Variants in ZNF316 observed in about 807,000 individuals in gnomAD.
The protein encoded by ZNF316 is zinc finger protein 316.
In ZNF316, 23 loss-of-function variants were observed where a neutral mutation model predicts 75.6. That is an observed-to-expected ratio of 0.30 (90% CI 0.22 to 0.43). The LOEUF is 0.43. ZNF316 is among the 20% of genes least tolerant of loss of function. The pLI, the probability that ZNF316 is intolerant of heterozygous loss-of-function variation, is 1.00. For synonymous variants in ZNF316, 827 were observed against 666.2 expected, an observed-to-expected ratio of 1.24 and a Z score of -3.72; for missense variants, 1,266 against 1,409.4, an observed-to-expected ratio of 0.90 and a Z score of 1.63.
chr7:6,644,422 G>A, intron 7 of ZNF316, 58 bp from the exon 8 acceptor site: 2 of 972,632 alleles, frequency 2.1e-6, no homozygotes, highest in Non-Finnish European at 2.7e-6. Context: ...AGCACGGGCT[G>A]CAGGGCAGGG....
In ZNF316 at chr7:6,637,328, C is replaced by A. The variant is rs1323199425; in HGVS notation, c.-550C>A. The A allele has an allele frequency of 6.7e-6, 1 of 150,208 alleles. No homozygotes were observed. Among genetic ancestry groups the A allele is most frequent in the East Asian group, 2.0e-4 (1 of 5,110 alleles). The allele number at this position is 150,208 out of a possible 1,614,324, so 9.3% of individuals were successfully genotyped here. ...GGGCCGGCCGGCGGTACTTCCGGTG[C>A]CCACGCGCCGCCGTCGCGCAGCTCC... On this transcript the variant is annotated 5_prime_UTR_variant, in exon 1 of 9. Transcript: ENST00000382252. The surrounding 1 kb of genome is among the most constrained non-coding windows in gnomAD (Gnocchi z 6.2).
chr7:6,653,360 C>T lies in ZNF316; in HGVS notation c.1764C>T (p.Gly588=), dbSNP rs1779550661. 4.9e-6 allele frequency: 6 copies of T among 1,226,092 alleles called. No individual in the cohort carries two copies. The highest frequency in any genetic ancestry group is 1.6e-5 in the African/African-American group (1 of 64,146). The allele number at this position is 1,226,092 out of a possible 1,614,324, so 76.0% of individuals were successfully genotyped here. A position where few individuals can be genotyped will look rare whatever the true frequency, so the allele number is the denominator to read the frequency against. ...FLELGNGLGE[G]EGPSSHPLGF... is the part of the protein sequence containing the mutation. ...AGCTGGGCAACGGCCTGGGGGAGGG[C>T]GAAGGCCCCTCCTCCCACCCGCTGG... The change falls in exon 9 of 9, where the codon GGC becomes GGT. Residue 588 remains glycine (G), a synonymous_variant. Coordinates refer to ENST00000382252, the MANE Select transcript of ZNF316 (RefSeq NM_001278559.2).
Position 6,656,521 on chromosome 7 carries a change from A to C in ZNF316, c.*1910A>C, listed in dbSNP as rs1779630527. The C allele has an allele frequency of 6.6e-6, 1 of 152,236 alleles. No individual in the cohort carries two copies. 9.4% of individuals were successfully genotyped at this position (152,236 alleles called of 1,614,324 possible). A position where few individuals can be genotyped will look rare whatever the true frequency, so the allele number is the denominator to read the frequency against. On this transcript the variant is annotated 3_prime_UTR_variant, in exon 9 of 9. Transcript: ENST00000382252. ...TCAGGTCCAACTTGTTTCTGCAAAC[A>C]TTTTTTAAAAGATTTTCTCTTTTAA...
chr7:6,654,202 C>T lies in ZNF316; in HGVS notation c.2606C>T (p.Ala869Val). Residue 869 changes from alanine to valine, a missense_variant, in exon 9 of 9, where the codon GCG (alanine) becomes GTG (valine). Transcript: ENST00000382252. The part of the protein sequence containing the change: ...FRCADCGRGF[A>V]QRSNLAKHRR... The stretch of plus-strand genomic sequence containing the variant: ...TGCGCCGACTGCGGCCGCGGCTTCG[C>T]GCAGCGCTCCAACCTGGCCAAGCAC... 1 of 1,223,852 alleles carries T rather than the reference C, an allele frequency of 8.2e-7. No homozygotes were observed. The allele number at this position is 1,223,852 out of a possible 1,614,324, so 75.8% of individuals were successfully genotyped here. A position where few individuals can be genotyped will look rare whatever the true frequency, so the allele number is the denominator to read the frequency against.
rs1779334621 is a variant in ZNF316 at position 6,642,836 on chromosome 7, G to A, written c.355+72G>A. The A allele has an allele frequency of 3.2e-6, 4 of 1,231,424 alleles. No homozygotes were observed. Among genetic ancestry groups the A allele is most frequent in the Non-Finnish European group, 4.1e-6 (4 of 987,468 alleles). The allele number at this position is 1,231,424 out of a possible 1,614,324, so 76.3% of individuals were successfully genotyped here. ...TGGGCCAGGCCAGGGACCTGGTCAA[G>A]CCAGGAGGGCTCTTGGGCCGACAGG... is the stretch of plus-strand genomic sequence containing the variant. On this transcript the variant is annotated intron_variant, in intron 5 of 8. Transcript: ENST00000382252. This position sits in a 1 kb window ranked among gnomAD's most constrained non-coding sequence, Gnocchi z 8.1.
At chr7:6,652,049 GA>G (rs1463219522) in intron 8 of ZNF316, among the ~76,000 whole-genome samples, 1 of 152,166 alleles carries the variant, frequency 6.6e-6, no homozygotes, top group African/African-American at 2.4e-5. Flanking sequence ...GCTTTCCTGG[GA>G]GGGACAGTTT....
In ZNF316 at chr7:6,653,281, C is replaced by T. The variant is rs1241938440; in HGVS notation, c.1685C>T (p.Ala562Val). The T allele has an allele frequency of 1.6e-6, 2 of 1,227,422 alleles. No homozygotes were observed. The highest frequency in any genetic ancestry group is 3.1e-5 in the African/African-American group (2 of 64,048). The allele number at this position is 1,227,422 out of a possible 1,614,324, so 76.0% of individuals were successfully genotyped here. A position where few individuals can be genotyped will look rare whatever the true frequency, so the allele number is the denominator to read the frequency against. The part of the protein sequence containing the change: ...AAEEREEAAV[A>V]APTPSGKVDP... Reference sequence around the variant, plus strand: ...GAGGAGAGAGAGGAGGCGGCGGTGGCGGCGCCCACCCCCAGCGGCAAGGTG... The same window carrying T: ...GAGGAGAGAGAGGAGGCGGCGGTGGTGGCGCCCACCCCCAGCGGCAAGGTG... The change falls in exon 9 of 9, where the codon GCG (alanine) becomes GTG (valine). Residue 562 changes from alanine (A) to valine (V), a missense_variant. Around this residue, in one of 3 missense-constraint regions of ZNF316, gnomAD observed 961 missense variants for 990.9 expected, o/e 0.97. Transcript: ENST00000382252.
In ZNF316 at chr7:6,654,021, G is replaced by A. The variant is rs1779570019; in HGVS notation, c.2425G>A (p.Gly809Ser). 2 of 1,191,886 alleles carry A rather than the reference G, an allele frequency of 1.7e-6. No homozygotes were observed. Among genetic ancestry groups the A allele is most frequent in the Admixed American group, 4.5e-5 (1 of 22,232 alleles). 73.8% of individuals were successfully genotyped at this position (1,191,886 alleles called of 1,614,324 possible). The change falls in exon 9 of 9, where the codon GGC becomes AGC. Residue 809 changes from glycine (G) to serine (S), a missense_variant. Physicochemically the swap from Gly to Ser is moderately conservative, Grantham distance 56. Around this residue, in one of 3 missense-constraint regions of ZNF316, gnomAD observed 194 missense variants for 319.2 expected, o/e 0.61. Transcript: ENST00000382252. Reference protein sequence around the residue: ...GERPYACGECGRRFGQSAALT... With the variant: ...GERPYACGECSRRFGQSAALT... Reference sequence around the variant, plus strand: ...GCGGCCTTACGCGTGTGGAGAGTGCGGCCGGCGCTTCGGGCAGAGCGCGGC... The same window carrying A: ...GCGGCCTTACGCGTGTGGAGAGTGCAGCCGGCGCTTCGGGCAGAGCGCGGC...
chr7:6,638,223 G>A (rs1779253563), intron 2 of ZNF316, among the ~76,000 whole-genome samples: 1 of 152,174 alleles, frequency 6.6e-6, no homozygotes, highest in Admixed American at 6.5e-5. Context: ...GGCCGGGTGG[G>A]GTGGTGAGGG....
rs1311000887 is a variant in ZNF316 at position 6,640,414 on chromosome 7, G to A, written c.-167+1273G>A. Reference sequence around the variant, plus strand: ...GTGAGGGGGAGTAGGTATGTCACATGGCGAAAACAGGAACAAGCAAGAGAG... The same window carrying A: ...GTGAGGGGGAGTAGGTATGTCACATAGCGAAAACAGGAACAAGCAAGAGAG... On this transcript the variant is annotated intron_variant, in intron 3 of 8. Coordinates refer to ENST00000382252, the MANE Select transcript of ZNF316 (RefSeq NM_001278559.2). The surrounding 1 kb of genome is among the most constrained non-coding windows in gnomAD (Gnocchi z 5.1). Among the ~76,000 whole-genome samples the A allele has an allele frequency of 6.6e-6, 1 of 152,110 alleles. No homozygotes were observed. The highest frequency in any genetic ancestry group is 1.5e-5 in the Non-Finnish European group (1 of 68,004).
intron 8 of ZNF316, among the ~76,000 whole-genome samples, chr7:6,649,891 C>G (rs1779476754): frequency 6.6e-6 from 1 of 152,158 alleles, no homozygotes; most frequent in Non-Finnish European, 1.5e-5. Flanking sequence ...TGAGAGGATT[C>G]CCTGCTGCGA....
chr7:6,653,256 G>A lies in ZNF316; in HGVS notation c.1660G>A (p.Glu554Lys), dbSNP rs1779547405. ...EADGEAEAAAEEREEAAVAAP... is the reference protein window; with the variant it reads ...EADGEAEAAAKEREEAAVAAP... ...GGACGGAGAGGCGGAGGCCGCGGCC[G>A]AGGAGAGAGAGGAGGCGGCGGTGGC... is the stretch of plus-strand genomic sequence containing the variant. The change falls in exon 9 of 9, where the codon GAG (glutamate) becomes AAG (lysine). Residue 554 changes from glutamate to lysine, a missense_variant. Around this residue, in one of 3 missense-constraint regions of ZNF316, gnomAD observed 961 missense variants for 990.9 expected, o/e 0.97. Coordinates refer to ENST00000382252, the MANE Select transcript of ZNF316 (RefSeq NM_001278559.2). 18 of 1,227,394 alleles carry A rather than the reference G, an allele frequency of 1.5e-5. No homozygotes were observed. In the South Asian group the frequency reaches 1.6e-4, roughly 11 times the overall value. 76.0% of individuals were successfully genotyped at this position (1,227,394 alleles called of 1,614,324 possible). A position where few individuals can be genotyped will look rare whatever the true frequency, so the allele number is the denominator to read the frequency against.
chr7:6,653,716 C>G lies in ZNF316; in HGVS notation c.2120C>G (p.Ala707Gly). The G allele has an allele frequency of 9.1e-7, 1 of 1,099,940 alleles. No individual in the cohort carries two copies. Among genetic ancestry groups the G allele is most frequent in the Non-Finnish European group, 1.1e-6 (1 of 901,912 alleles). 68.1% of individuals were successfully genotyped at this position (1,099,940 alleles called of 1,614,324 possible). ...ACGTTTGGGCGCCGGGCCGCGCTGG[C>G]CAAGCACCAGCGCTACCACGCGGGC... ...GKTFGRRAAL[A>G]KHQRYHAGER... is the part of the protein sequence containing the mutation. The change falls in exon 9 of 9, where the codon GCC (alanine) becomes GGC (glycine). Residue 707 changes from alanine to glycine, a missense_variant. By Grantham distance (60) the Ala-to-Gly change is moderately conservative. Transcript: ENST00000382252.
intron 8 of ZNF316, 133 bp from the exon 9 acceptor site, chr7:6,652,170 G>T (rs1562583219): frequency 8.5e-6 from 7 of 818,768 alleles, no homozygotes; most frequent in Non-Finnish European, 1.1e-5. Context: ...GTGAAAGGAG[G>T]TGCCCCGTCC....
intron 3 of ZNF316, among the ~76,000 whole-genome samples, chr7:6,641,146 C>T (rs1010375337): frequency 4.6e-5 from 7 of 152,188 alleles, no homozygotes; most frequent in Admixed American, 1.3e-4. Context: ...GGACTGTTCT[C>T]GTGAAGGCCA....
chr7:6,653,981 C>T lies in ZNF316; in HGVS notation c.2385C>T (p.Arg795=), dbSNP rs1583447975. 2.6e-6 allele frequency: 3 copies of T among 1,175,392 alleles called. No individual in the cohort carries two copies. Among genetic ancestry groups the T allele is most frequent in the African/African-American group, 1.6e-5 (1 of 61,738 alleles). 72.8% of individuals were successfully genotyped at this position (1,175,392 alleles called of 1,614,324 possible). Residue 795 remains arginine (R), a synonymous_variant, in exon 9 of 9, where the codon CGC becomes CGT. Coordinates refer to ENST00000382252, the MANE Select transcript of ZNF316 (RefSeq NM_001278559.2). ...GCGCGCACTTGACGGCGCACGGGCG[C>T]GCGCACACCGGGGAGCGGCCTTACG... The part of the protein sequence containing the change: ...SRRAHLTAHG[R]AHTGERPYAC...
In ZNF316 at chr7:6,637,337, C is replaced by A. The variant is rs1779231623; in HGVS notation, c.-541C>A. On this transcript the variant is annotated 5_prime_UTR_variant, in exon 1 of 9. Coordinates refer to ENST00000382252, the MANE Select transcript of ZNF316 (RefSeq NM_001278559.2). This position sits in a 1 kb window ranked among gnomAD's most constrained non-coding sequence, Gnocchi z 6.2. ...GGCGGTACTTCCGGTGCCCACGCGC[C>A]GCCGTCGCGCAGCTCCCGGGCCGTC... The A allele has an allele frequency of 1.3e-5, 2 of 149,990 alleles. 1 individual carries two copies. Among genetic ancestry groups the A allele is most frequent in the South Asian group, 4.2e-4 (2 of 4,812 alleles). 9.3% of individuals were successfully genotyped at this position (149,990 alleles called of 1,614,324 possible).
In ZNF316 at chr7:6,654,940, T is replaced by G. The variant is rs1315461434; in HGVS notation, c.*329T>G. ...GCGATGCTATTTATTTCACTCGGAT[T>G]CCGACTTGGGTGGTCTGGGGAGCAA... On this transcript the variant is annotated 3_prime_UTR_variant, in exon 9 of 9. Transcript: ENST00000382252. The G allele has an allele frequency of 5.7e-6, 1 of 174,380 alleles. No homozygotes were observed. The allele number at this position is 174,380 out of a possible 1,614,324, so 10.8% of individuals were successfully genotyped here. A position where few individuals can be genotyped will look rare whatever the true frequency, so the allele number is the denominator to read the frequency against.
intron 8 of ZNF316, among the ~76,000 whole-genome samples, chr7:6,650,738 G>C (rs540976610): frequency 1.3e-4 from 20 of 152,318 alleles, no homozygotes; most frequent in African/African-American, 4.6e-4. Context: ...CACACCAGCT[G>C]TGGGAGCTGG....
Sources: gnomAD v4.1 joint callset for allele counts (sites outside exome capture counted in the v4.1 genomes callset) on GRCh38, gnomAD v4.1.1 for gene constraint, gnomAD v4.1.1 regional missense constraint, Gnocchi (gnomAD v3.1) non-coding constraint, MANE v1.5 for transcripts, NCBI Gene and HGNC (gene_info 2026-07-23, HGNC 2026-07-21) for gene names.